Variants in ARMC3 observed in about 807,000 individuals in gnomAD.
ARMC3 encodes the protein armadillo repeat containing 3, also known as armadillo repeat-containing protein 3.
In ARMC3, 74 loss-of-function variants were observed where a neutral mutation model predicts 90.3. The ratio of observed to expected loss-of-function variants is 0.82; its 90% CI spans 0.68 to 0.99. ARMC3 has a LOEUF of 0.99. Ranked by LOEUF, ARMC3 falls within the 50% of genes least tolerant of loss-of-function variation. The pLI is 0.00. For synonymous variants in ARMC3, 334 were observed against 361.8 expected (o/e 0.92, Z 0.87); for missense variants, 958 against 1,042.8 (o/e 0.92, Z 1.12).
intron 2 of ARMC3, among the ~76,000 whole-genome samples, chr10:22,943,452 C>T (rs1239500369): frequency 1.3e-5 from 2 of 151,864 alleles, no homozygotes; most frequent in Non-Finnish European, 2.9e-5. Flanking sequence ...CACATTTTAA[C>T]CTGCATTTTT....
intron 16 of ARMC3, among the ~76,000 whole-genome samples, chr10:23,027,107 G>A (rs753564622): frequency 4.6e-5 from 7 of 151,974 alleles, no homozygotes; most frequent in Non-Finnish European, 7.4e-5. Flanking sequence ...CCTAAAATCC[G>A]TGCCTTTTCA....
At chr10:22,959,595 G>C (rs943248094) in intron 6 of ARMC3, 21 bp downstream of exon 6, 2 of 1,561,208 alleles carry the variant, frequency 1.3e-6, no homozygotes, top group South Asian at 1.2e-5. Context: ...TTTCTAAAAA[G>C]CGTTCTGATG....
chr10:22,943,499 T>G (rs1834403054), intron 2 of ARMC3, among the ~76,000 whole-genome samples: 1 of 152,168 alleles, frequency 6.6e-6, no homozygotes, highest in Non-Finnish European at 1.5e-5. Flanking sequence ...AAATAAATAA[T>G]AGCTGGGCAA....
chr10:22,933,758 G>A (rs555061336), intron 2 of ARMC3, among the ~76,000 whole-genome samples: 2 of 152,232 alleles, frequency 1.3e-5, no homozygotes, highest in South Asian at 2.1e-4. Flanking sequence ...GGTGGCAGGC[G>A]CTGGTAGTCC....
chr10:22,930,670 A>G (rs916242728), intron 1 of ARMC3, among the ~76,000 whole-genome samples: 7 of 152,148 alleles, frequency 4.6e-5, no homozygotes, highest in Admixed American at 1.3e-4. Context: ...AGTGTCTCTA[A>G]TGCTAGGAGT....
In ARMC3 at chr10:23,030,721, CTATG is replaced by C; in HGVS notation, c.2177_2180del (p.Tyr726CysfsTer4). Reference sequence around the variant, plus strand: ...TGTCCTCCCTCTGACCCTGATTTCTCTATGTATGTGTATGAGGTGACCAAATCAA... The same window carrying C: ...TGTCCTCCCTCTGACCCTGATTTCTCTATGTGTATGAGGTGACCAAATCAA... On this transcript the variant is annotated frameshift_variant, in exon 17 of 19. Coordinates refer to ENST00000298032, the MANE Select transcript of ARMC3 (RefSeq NM_173081.5). The C allele has an allele frequency of 6.2e-7, 1 of 1,613,860 alleles. No homozygotes were observed. The highest frequency in any genetic ancestry group is 8.5e-7 in the Non-Finnish European group (1 of 1,179,852).
chr10:22,963,922 C>A (rs11815650), intron 7 of ARMC3, among the ~76,000 whole-genome samples: 1,296 of 58,384 alleles, frequency 0.022, 5 homozygotes, highest in East Asian at 0.074. Context: ...CACACACACA[C>A]AAAAAAAAAA....
At chr10:22,991,472 T>A (rs1836706293) in intron 10 of ARMC3, among the ~76,000 whole-genome samples, 1 of 152,262 alleles carries the variant, frequency 6.6e-6, no homozygotes, top group South Asian at 2.1e-4. Flanking sequence ...TTTTAGGTTT[T>A]TTTTTTGGTA....
intron 3 of ARMC3, among the ~76,000 whole-genome samples, chr10:22,949,298 T>C (rs1351021069): frequency 6.6e-6 from 1 of 152,000 alleles, no homozygotes; most frequent in Non-Finnish European, 1.5e-5. Context: ...AAACGCATAA[T>C]AAGATATATA....
At chr10:22,975,593 A>G (rs1167228283) in intron 8 of ARMC3, among the ~76,000 whole-genome samples, 1 of 152,156 alleles carries the variant, frequency 6.6e-6, no homozygotes, top group Non-Finnish European at 1.5e-5. Flanking sequence ...AAGCTTATCT[A>G]TGAAGATTGC....
chr10:23,003,392 A>G lies in ARMC3; in HGVS notation c.1709A>G (p.Asp570Gly). Residue 570 changes from aspartate (D) to glycine (G), a missense_variant, in exon 13 of 19, where the codon GAT becomes GGT. Coordinates refer to ENST00000298032, the MANE Select transcript of ARMC3 (RefSeq NM_173081.5). The part of the protein sequence containing the change: ...GYLSSSNIIN[D>G]GFYDYGRINP... ...TTGTCATCAAGTAACATAATTAACG[A>G]TGGATTCTATGATTATGGTCGGGTA... 6.2e-7 allele frequency: 1 copy of G among 1,609,242 alleles called. No individual in the cohort carries two copies. The highest frequency in any genetic ancestry group is 8.5e-7 in the Non-Finnish European group (1 of 1,177,894).
At chr10:23,017,720 C>T (rs879714595) in intron 16 of ARMC3, among the ~76,000 whole-genome samples, 1 of 152,210 alleles carries the variant, frequency 6.6e-6, no homozygotes, top group Non-Finnish European at 1.5e-5. Flanking sequence ...GAGCCAAGAT[C>T]GCACTACTGC....
At chr10:22,945,051 A>C (rs1289246105) in intron 2 of ARMC3, among the ~76,000 whole-genome samples, 2 of 152,194 alleles carry the variant, frequency 1.3e-5, no homozygotes, top group African/African-American at 4.8e-5. Flanking sequence ...GCCGTTCTAA[A>C]ATTCAGCAGC....
intron 10 of ARMC3, among the ~76,000 whole-genome samples, chr10:22,994,757 T>TG (rs1455489545): frequency 1.3e-5 from 2 of 152,058 alleles, no homozygotes; most frequent in African/African-American, 4.8e-5. Flanking sequence ...TTGGATTCTG[T>TG]GGGAGGATGG....
intron 2 of ARMC3, among the ~76,000 whole-genome samples, chr10:22,937,918 G>A (rs1404450338): frequency 6.6e-6 from 1 of 152,152 alleles, no homozygotes; most frequent in African/African-American, 2.4e-5. Flanking sequence ...CAAATATAGA[G>A]TGCCTACCAT....
chr10:23,028,733 G>A (rs1200080072), intron 16 of ARMC3, among the ~76,000 whole-genome samples: 1 of 152,186 alleles, frequency 6.6e-6, no homozygotes, highest in East Asian at 1.9e-4. Context: ...ATGCCAACCA[G>A]TATCCACTTT....
intron 4 of ARMC3, 25 bp from the exon 5 acceptor site, chr10:22,959,045 C>A (rs779321800): frequency 6.6e-7 from 1 of 1,521,262 alleles, no homozygotes; most frequent in Non-Finnish European, 9.1e-7. Context: ...TAATAAACAT[C>A]AATACTCTGT....
intron 3 of ARMC3, among the ~76,000 whole-genome samples, chr10:22,952,313 G>C (rs1834767042): frequency 6.6e-6 from 1 of 152,036 alleles, no homozygotes; most frequent in East Asian, 1.9e-4. Flanking sequence ...GACAAAATAA[G>C]AGAGAAGACA....
intron 1 of ARMC3, among the ~76,000 whole-genome samples, chr10:22,928,868 G>A (rs1833815302): frequency 6.6e-6 from 1 of 152,220 alleles, no homozygotes; most frequent in African/African-American, 2.4e-5. Flanking sequence ...GTAGGAATAT[G>A]AACCCAGGAA....
Sources: gnomAD v4.1 joint callset for allele counts (sites outside exome capture counted in the v4.1 genomes callset) on GRCh38, gnomAD v4.1.1 for gene constraint, MANE v1.5 for transcripts, NCBI Gene and HGNC (gene_info 2026-07-23, HGNC 2026-07-21) for gene names.